Variants in SPHKAP observed in about 807,000 individuals in gnomAD.
The protein encoded by SPHKAP is SPHK1 interactor, AKAP domain containing.
SPHKAP carries 67 observed loss-of-function variants against 137.5 expected under a neutral mutation model. The observed-to-expected ratio is 0.49, with a 90% CI of 0.40 to 0.60. The LOEUF (loss-of-function observed/expected upper bound fraction) is 0.60, where lower values mean the gene tolerates loss of function less well. SPHKAP is among the 20% of genes least tolerant of loss of function. SPHKAP has a pLI of 0.00. For missense variants in SPHKAP, 2,097 were observed against 2,069.3 expected, an observed-to-expected ratio of 1.01 and a Z score of -0.26; for synonymous variants, 813 against 785.3, an observed-to-expected ratio of 1.04 and a Z score of -0.59.
chr2:228,158,295 T>A (rs1289797043), intron 1 of SPHKAP, among the ~76,000 whole-genome samples: 3 of 151,604 alleles, frequency 2.0e-5, no homozygotes, highest in Non-Finnish European at 4.4e-5. Flanking sequence ...TACACATATA[T>A]AAGATAATTG....
intron 1 of SPHKAP, chr2:228,169,828 T>C (rs568179526): frequency 2.0e-5 from 3 of 152,148 alleles, no homozygotes; most frequent in Non-Finnish European, 4.4e-5. Context: ...ACATGAAAAT[T>C]CTTGAAGAAT....
chr2:228,058,371 G>A (rs1311436498), intron 3 of SPHKAP, among the ~76,000 whole-genome samples: 6 of 152,106 alleles, frequency 3.9e-5, no homozygotes, highest in Admixed American at 3.9e-4. Flanking sequence ...CATTATACCT[G>A]CATTATAACC....
At chr2:228,119,463 A>ACACACACACG (rs1698837531) in intron 2 of SPHKAP, among the ~76,000 whole-genome samples, 1 of 150,804 alleles carries the variant, frequency 6.6e-6, no homozygotes, top group African/African-American at 2.5e-5. Flanking sequence ...GTATACACAC[A>ACACACACACG]CACACACACT....
intron 3 of SPHKAP, among the ~76,000 whole-genome samples, chr2:228,088,234 A>T (rs1697603086): frequency 6.6e-6 from 1 of 152,162 alleles, no homozygotes; most frequent in African/African-American, 2.4e-5. Context: ...AAATTATAAT[A>T]ATGTACTGTT....
At chr2:228,039,620 G>C (rs1274045320) in intron 3 of SPHKAP, among the ~76,000 whole-genome samples, 2 of 152,102 alleles carry the variant, frequency 1.3e-5, no homozygotes, top group Admixed American at 1.3e-4. Context: ...GGAAGAGGAT[G>C]ACATGAAAAT....
At chr2:228,032,736 G>T (rs1393579361) in intron 3 of SPHKAP, among the ~76,000 whole-genome samples, 3 of 152,150 alleles carry the variant, frequency 2.0e-5, no homozygotes, top group African/African-American at 7.2e-5. Flanking sequence ...CATTCTTAAA[G>T]AAAAGAATTT....
At chr2:228,162,987 C>T (rs115035097) in intron 1 of SPHKAP, among the ~76,000 whole-genome samples, 2,027 of 152,222 alleles carry the variant, frequency 0.013, 45 homozygotes, top group African/African-American at 0.046. Context: ...GTGTGAGTCA[C>T]GTGCCTGGCC....
At chr2:228,162,990 G>T (rs1278151050) in intron 1 of SPHKAP, among the ~76,000 whole-genome samples, 2 of 152,160 alleles carry the variant, frequency 1.3e-5, no homozygotes, top group Non-Finnish European at 2.9e-5. Context: ...TGAGTCACGT[G>T]CCTGGCCACA....
chr2:228,079,950 C>A (rs1697307416), intron 3 of SPHKAP, among the ~76,000 whole-genome samples: 1 of 152,158 alleles, frequency 6.6e-6, no homozygotes, highest in Non-Finnish European at 1.5e-5. Context: ...TGAAATTAGA[C>A]CCTTATCTCA....
intron 11 of SPHKAP, among the ~76,000 whole-genome samples, chr2:227,986,665 G>A (rs754767278): frequency 5.3e-5 from 8 of 152,288 alleles, no homozygotes; most frequent in Non-Finnish European, 1.0e-4. Context: ...ATTAGAGGGA[G>A]GCACTCCTCT....
chr2:228,156,622 A>C (rs1309669306), intron 1 of SPHKAP, among the ~76,000 whole-genome samples: 1 of 152,150 alleles, frequency 6.6e-6, no homozygotes, highest in African/African-American at 2.4e-5. Context: ...ATAGCTACTG[A>C]TATGGTTTGG....
intron 3 of SPHKAP, among the ~76,000 whole-genome samples, chr2:228,035,134 A>G (rs1337397952): frequency 1.9e-4 from 28 of 147,290 alleles, no homozygotes; most frequent in African/African-American, 7.1e-4. Context: ...AGAAAACCCC[A>G]TTGTCTCAGC....
At chr2:228,132,569 T>G in intron 1 of SPHKAP, 1 of 860,426 alleles carries the variant, frequency 1.2e-6, no homozygotes, top group Non-Finnish European at 1.4e-6. Context: ...GGTAATGTCT[T>G]TACCATTCCT....
chr2:228,013,192 C>T (rs1046823422), intron 7 of SPHKAP, among the ~76,000 whole-genome samples: 1 of 152,172 alleles, frequency 6.6e-6, no homozygotes, highest in African/African-American at 2.4e-5. Context: ...GGTTAATTTT[C>T]CCTCTAGCAA....
chr2:228,017,309 G>A lies in SPHKAP; in HGVS notation c.3545C>T (p.Ser1182Phe). The change falls in exon 7 of 12, where the codon TCT becomes TTT. Residue 1182 changes from serine to phenylalanine, a missense_variant. Transcript: ENST00000392056. ...DHLSVRPSCP[S>F]KQSSTESITE... ...GATGCTCTCTGTGCTGGACTGCTTA[G>A]AGGGACAGCTAGGCCTCACACTGAG... 1 of 1,614,010 alleles carries A rather than the reference G, an allele frequency of 6.2e-7. No homozygotes were observed. Among genetic ancestry groups the A allele is most frequent in the Non-Finnish European group, 8.5e-7 (1 of 1,179,994 alleles).
intron 1 of SPHKAP, among the ~76,000 whole-genome samples, chr2:228,175,816 A>G (rs1438812572): frequency 6.6e-6 from 1 of 152,194 alleles, no homozygotes. Context: ...AGATTTTTTT[A>G]AAAAGATAGA....
At chr2:228,105,714 A>G (rs1171412073) in intron 3 of SPHKAP, among the ~76,000 whole-genome samples, 1 of 152,114 alleles carries the variant, frequency 6.6e-6, no homozygotes, top group Non-Finnish European at 1.5e-5. Context: ...AAGTCTCACA[A>G]GAGCTGATGT....
At chr2:228,138,235 C>T (rs568367674) in intron 1 of SPHKAP, among the ~76,000 whole-genome samples, 2 of 152,154 alleles carry the variant, frequency 1.3e-5, no homozygotes, top group Non-Finnish European at 2.9e-5. Context: ...TTGACATCCC[C>T]TCTTAGTAAT....
At chr2:228,175,826 A>G (rs1007601517) in intron 1 of SPHKAP, among the ~76,000 whole-genome samples, 3 of 151,996 alleles carry the variant, frequency 2.0e-5, no homozygotes, top group African/African-American at 7.3e-5. Flanking sequence ...AAAAAGATAG[A>G]AAAAAAATAA....
Sources: allele counts gnomAD v4.1 joint callset (sites outside exome capture counted in the v4.1 genomes callset), GRCh38; gene constraint gnomAD v4.1.1; transcripts MANE v1.5; gene names NCBI Gene and HGNC (gene_info 2026-07-23, HGNC 2026-07-21).